The following MIPEP variants were observed in gnomAD, a reference collection of about 807,000 sequenced individuals.
MIPEP encodes mitochondrial intermediate peptidase.
MIPEP carries 79 observed loss-of-function variants against 90.3 expected under a neutral mutation model. The ratio of observed to expected loss-of-function variants is 0.87; its 90% CI spans 0.73 to 1.05. The LOEUF is 1.05. Among genes scored for constraint, MIPEP ranks in the 50% least tolerant of loss-of-function variants. MIPEP has a pLI of 0.00. For missense variants in MIPEP, 940 were observed against 905.6 expected (o/e 1.04, Z -0.49); for synonymous variants, 334 against 315.8 (o/e 1.06, Z -0.61).
At chr13:23,762,136 A>G (rs1952553030) in intron 16 of MIPEP, among the ~76,000 whole-genome samples, 1 of 152,030 alleles carries the variant, frequency 6.6e-6, no homozygotes, top group Non-Finnish European at 1.5e-5. Context: ...AAAAATAATA[A>G]TAATTAAAAA....
chr13:23,874,259 T>C (rs1415450049), intron 5 of MIPEP, among the ~76,000 whole-genome samples: 1 of 152,168 alleles, frequency 6.6e-6, no homozygotes, highest in Non-Finnish European at 1.5e-5. Context: ...AGGCACTTGG[T>C]TTCTCAGGAT....
intron 16 of MIPEP, among the ~76,000 whole-genome samples, chr13:23,773,470 T>A (rs1169308709): frequency 6.6e-6 from 1 of 152,194 alleles, no homozygotes; most frequent in Non-Finnish European, 1.5e-5. Flanking sequence ...GGGTGAGAGT[T>A]CCCTACCACC....
intron 16 of MIPEP, among the ~76,000 whole-genome samples, chr13:23,792,172 T>A (rs1304334470): frequency 6.6e-6 from 1 of 152,316 alleles, no homozygotes; most frequent in East Asian, 1.9e-4. Context: ...CCATTTATAC[T>A]TACTCTTGGG....
intron 14 of MIPEP, among the ~76,000 whole-genome samples, chr13:23,825,321 C>T (rs538506253): frequency 1.3e-5 from 2 of 152,276 alleles, no homozygotes; most frequent in African/African-American, 2.4e-5. Flanking sequence ...TGTTTACCTT[C>T]GATGCTTTTT....
intron 18 of MIPEP, among the ~76,000 whole-genome samples, chr13:23,746,484 A>G (rs1952384986): frequency 6.6e-6 from 1 of 151,792 alleles, no homozygotes; most frequent in Non-Finnish European, 1.5e-5. Flanking sequence ...AAATACAAAA[A>G]TTAGCCAGGC....
At chr13:23,757,016 A>G (rs1475344347) in intron 17 of MIPEP, among the ~76,000 whole-genome samples, 2 of 152,200 alleles carry the variant, frequency 1.3e-5, no homozygotes, top group Non-Finnish European at 2.9e-5. Context: ...ATGATTCAAG[A>G]ACATTACATT....
At chr13:23,763,199 C>G (rs1182845764) in intron 16 of MIPEP, among the ~76,000 whole-genome samples, 1 of 152,142 alleles carries the variant, frequency 6.6e-6, no homozygotes, top group Non-Finnish European at 1.5e-5. Context: ...TCTTTTTATG[C>G]TGGAATCCTA....
At chr13:23,879,987 C>T (rs1871212431) in intron 3 of MIPEP, among the ~76,000 whole-genome samples, 1 of 152,076 alleles carries the variant, frequency 6.6e-6, no homozygotes, top group Non-Finnish European at 1.5e-5. Flanking sequence ...CAGTCCTCTT[C>T]CCTAAATGCA....
chr13:23,829,803 AT>A (rs1200945541), intron 14 of MIPEP, among the ~76,000 whole-genome samples: 1 of 152,156 alleles, frequency 6.6e-6, no homozygotes, highest in Non-Finnish European at 1.5e-5. Context: ...AAAACAGAAA[AT>A]AAATAAATAA....
intron 16 of MIPEP, among the ~76,000 whole-genome samples, chr13:23,772,463 T>C (rs1413516296): frequency 1.3e-5 from 2 of 152,218 alleles, no homozygotes; most frequent in South Asian, 2.1e-4. Context: ...GTATTCACTA[T>C]AAATAATGCT....
chr13:23,829,143 G>A (rs1267770685), intron 14 of MIPEP, among the ~76,000 whole-genome samples: 3 of 152,170 alleles, frequency 2.0e-5, no homozygotes, highest in East Asian at 1.9e-4. Flanking sequence ...ATGGATTCCC[G>A]CCTTATGCCA....
intron 14 of MIPEP, among the ~76,000 whole-genome samples, chr13:23,810,905 C>A (rs1953164078): frequency 6.6e-6 from 1 of 152,204 alleles, no homozygotes; most frequent in African/African-American, 2.4e-5. Flanking sequence ...GATGACAAAC[C>A]TACAGCCTTT....
At chr13:23,747,621 A>G (rs535231676) in intron 18 of MIPEP, 50 of 459,890 alleles carry the variant, frequency 1.1e-4, no homozygotes, top group African/African-American at 9.7e-4. Flanking sequence ...TTTCTTTTAC[A>G]TGATTAAAGA....
At chr13:23,742,728 T>G (rs903997467) in intron 18 of MIPEP, among the ~76,000 whole-genome samples, 1 of 152,222 alleles carries the variant, frequency 6.6e-6, no homozygotes, top group Non-Finnish European at 1.5e-5. Context: ...TTTTTTCTAC[T>G]TTTTGCCATC....
intron 3 of MIPEP, 46 bp from the exon 4 acceptor site, chr13:23,879,400 T>A (rs1279396388): frequency 9.8e-7 from 1 of 1,022,432 alleles, no homozygotes; most frequent in Non-Finnish European, 1.5e-6. Flanking sequence ...TTCTAATACC[T>A]TATTTTTAAC....
At chr13:23,731,929 C>A (rs1952209934) in intron 18 of MIPEP, among the ~76,000 whole-genome samples, 1 of 150,728 alleles carries the variant, frequency 6.6e-6, no homozygotes, top group Non-Finnish European at 1.5e-5. Flanking sequence ...AAAACCAAAC[C>A]CACAATGAGA....
At chr13:23,742,917 T>C (rs1260085405) in intron 18 of MIPEP, among the ~76,000 whole-genome samples, 1 of 152,204 alleles carries the variant, frequency 6.6e-6, no homozygotes, top group East Asian at 1.9e-4. Flanking sequence ...TGTGAATGGC[T>C]TGGAACTATA....
chr13:23,850,824 A>G (rs1869767271), intron 10 of MIPEP, among the ~76,000 whole-genome samples: 1 of 152,280 alleles, frequency 6.6e-6, no homozygotes, highest in South Asian at 2.1e-4. Flanking sequence ...GTAGGAAAGA[A>G]TAACCAAAAA....
At chr13:23,735,014 C>G (rs1952245845) in intron 18 of MIPEP, among the ~76,000 whole-genome samples, 1 of 152,232 alleles carries the variant, frequency 6.6e-6, no homozygotes, top group Non-Finnish European at 1.5e-5. Flanking sequence ...CTGTGGACTT[C>G]TTGCCCTTTC....
Sources: allele counts gnomAD v4.1 joint callset (sites outside exome capture counted in the v4.1 genomes callset), GRCh38; gene constraint gnomAD v4.1.1; transcripts MANE v1.5; gene names NCBI Gene and HGNC (gene_info 2026-07-23, HGNC 2026-07-21).